Variants in SERPINB9 observed in about 807,000 individuals in gnomAD.
The protein encoded by SERPINB9 is serpin B9.
SERPINB9 carries 20 observed loss-of-function variants against 27.2 expected under a neutral mutation model. The observed-to-expected ratio is 0.74, with a 90% CI of 0.52 to 1.07. SERPINB9 has a LOEUF of 1.07. SERPINB9 is among the 50% of genes least tolerant of loss of function. The pLI, the probability that SERPINB9 is intolerant of heterozygous loss-of-function variation, is 0.00. For missense variants in SERPINB9, 476 were observed against 460.1 expected (o/e 1.03, Z -0.32); for synonymous variants, 189 against 180.0 (o/e 1.05, Z -0.40).
In SERPINB9 at chr6:2,900,538, G is replaced by A. The variant is rs865827606; in HGVS notation, c.74C>T (p.Ser25Leu). The A allele has an allele frequency of 9.3e-6, 15 of 1,613,990 alleles. No homozygotes were observed. In the African/African-American group the frequency reaches 1.1e-4, roughly 11 times the overall value. Residue 25 changes from serine (S) to leucine (L), a missense_variant, in exon 2 of 7, where the codon TCG becomes TTG. Coordinates refer to ENST00000380698, the MANE Select transcript of SERPINB9 (RefSeq NM_004155.6). ...CACAGGAGAACAGAACACGTTGTGC[G>A]AAGGGTTATCTTGACACAGTATCTT... The part of the protein sequence containing the change: ...LLKILCQDNP[S>L]HNVFCSPVSI...
chr6:2,899,851 T>G, intron 2 of SERPINB9: 1 of 442,310 alleles, frequency 2.3e-6, no homozygotes, highest in Non-Finnish European at 4.5e-6. Flanking sequence ...TCATCTCACG[T>G]GTATGTCTCC....
At position 2,891,896 on chromosome 6, in the gene SERPINB9, G is replaced by GGGCAGCTCC; in HGVS notation, c.651_659dup (p.Glu218_Pro220dup). ...GCAGGCTCAGCTCCTTCCTGGCGTAGGGCAGCTCCAGCAGCTGCGCGCGCA... is the reference window on the plus strand; with the variant it reads ...GCAGGCTCAGCTCCTTCCTGGCGTAGGGCAGCTCCGGCAGCTCCAGCAGCTGCGCGCGCA... On this transcript the variant is annotated inframe_insertion, in exon 6 of 7. Transcript: ENST00000380698. The surrounding 1 kb of genome is among the most constrained non-coding windows in gnomAD (Gnocchi z 4.0). 2 of 1,612,510 alleles carry GGGCAGCTCC rather than the reference G, an allele frequency of 1.2e-6. No individual in the cohort carries two copies. Among genetic ancestry groups the GGGCAGCTCC allele is most frequent in the Middle Eastern group, 3.3e-4 (2 of 6,056 alleles).
At chr6:2,897,285 G>C (rs1242360157) in intron 2 of SERPINB9, among the ~76,000 whole-genome samples, 1 of 152,114 alleles carries the variant, frequency 6.6e-6, no homozygotes, top group Non-Finnish European at 1.5e-5. Context: ...GGCCAAGATG[G>C]CGAAATCCTG....
chr6:2,890,656 T>C lies in SERPINB9; in HGVS notation c.724-86A>G, dbSNP rs944799337. ...GCACTCACAGTTCCCTTCCTCCCCT[T>C]GCACGTAGGTGTTGTTTGTTCACAT... On this transcript the variant is annotated intron_variant, in intron 6 of 6. Transcript: ENST00000380698. This position sits in a 1 kb window ranked among gnomAD's most constrained non-coding sequence, Gnocchi z 6.2. The C allele has an allele frequency of 2.3e-6, 3 of 1,286,626 alleles. No individual in the cohort carries two copies. Among genetic ancestry groups the C allele is most frequent in the Non-Finnish European group, 3.3e-6 (3 of 921,468 alleles). The allele number at this position is 1,286,626 out of a possible 1,614,324, so 79.7% of individuals were successfully genotyped here.
At position 2,901,778 on chromosome 6, in the gene SERPINB9, T is replaced by C. The variant is rs1276162643; in HGVS notation, c.-10-1157A>G. On this transcript the variant is annotated intron_variant, in intron 1 of 6. Coordinates refer to ENST00000380698, the MANE Select transcript of SERPINB9 (RefSeq NM_004155.6). ...CTCTACGCCCACATTTCTTCCCACTTCGGATTCTGTGCCTGGTCTAATGCC... is the reference window on the plus strand; with the variant it reads ...CTCTACGCCCACATTTCTTCCCACTCCGGATTCTGTGCCTGGTCTAATGCC... Among the ~76,000 whole-genome samples the C allele has an allele frequency of 2.0e-5, 3 of 151,966 alleles. No individual in the cohort carries two copies. The East Asian group carries it at 5.8e-4, about 29-fold the overall frequency.
At chr6:2,895,609 T>C in intron 3 of SERPINB9, 101 bp from the exon 4 acceptor site, 1 of 741,018 alleles carries the variant, frequency 1.3e-6, no homozygotes, top group Non-Finnish European at 2.3e-6. Context: ...ATAAAAAGAA[T>C]ATACATAACT....
chr6:2,898,573 T>C (rs914541212), intron 2 of SERPINB9, among the ~76,000 whole-genome samples: 1 of 152,214 alleles, frequency 6.6e-6, no homozygotes, highest in African/African-American at 2.4e-5. Context: ...ATCCCAGCAC[T>C]TTGGGAGGCC....
chr6:2,900,675 G>A (rs1349225749), intron 1 of SERPINB9, 54 bp from the exon 2 acceptor site: 7 of 1,503,460 alleles, frequency 4.7e-6, no homozygotes, highest in Non-Finnish European at 6.4e-6. Context: ...GAATGTTACT[G>A]ACCTACTTAC....
Position 2,894,759 on chromosome 6 carries a change from T to G in SERPINB9, c.424+632A>C, listed in dbSNP as rs1280293958. Among the ~76,000 whole-genome samples the G allele has an allele frequency of 6.6e-6, 1 of 152,152 alleles. No homozygotes were observed. ...TGGCCTGAGATTCTTTTGACATTTG[T>G]TTTTTTGTTTGTTTTTTGTTTTTGA... is the stretch of plus-strand genomic sequence containing the variant. On this transcript the variant is annotated intron_variant, in intron 4 of 6. Transcript: ENST00000380698. This position sits in a 1 kb window ranked among gnomAD's most constrained non-coding sequence, Gnocchi z 4.7.
At position 2,896,089 on chromosome 6, in the gene SERPINB9, G is replaced by C. The variant is rs1351739815; in HGVS notation, c.270C>G (p.Asn90Lys). ...GACAAGTTTTCTCTCCAAAGAGCCT[G>C]TTGGCCGTTCTCAGCAGGTACTGTG... ...AGTQYLLRTA[N>K]RLFGEKTCQF... The change falls in exon 3 of 7, where the codon AAC becomes AAG. Residue 90 changes from asparagine (N) to lysine (K), a missense_variant. Physicochemically the swap from Asn to Lys is moderately conservative, Grantham distance 94. Transcript: ENST00000380698. The C allele has an allele frequency of 6.2e-7, 1 of 1,613,970 alleles. No homozygotes were observed. Among genetic ancestry groups the C allele is most frequent in the Admixed American group, 1.7e-5 (1 of 59,930 alleles).
Position 2,900,444 on chromosome 6 carries a change from C to T in SERPINB9, c.168G>A (p.Gln56=). The T allele has an allele frequency of 6.2e-7, 1 of 1,613,890 alleles. No homozygotes were observed. The highest frequency in any genetic ancestry group is 2.2e-5 in the East Asian group (1 of 44,876). Reference sequence around the variant, plus strand: ...GCTCCTGGCGGACGGGCAAGCTTACCTGGGCCATCTGGGTTGCGGTGTTTC... The same window carrying T: ...GCTCCTGGCGGACGGGCAAGCTTACTTGGGCCATCTGGGTTGCGGTGTTTC... ...AKGNTATQMA[Q]ALSLNTEEDI... The change falls in exon 2 of 7, where the codon CAG becomes CAA. Residue 56 remains glutamine, a splice_region_variant and synonymous_variant. Coordinates refer to ENST00000380698, the MANE Select transcript of SERPINB9 (RefSeq NM_004155.6).
chr6:2,893,318 G>A (rs1767888652), intron 5 of SERPINB9, 93 bp downstream of exon 5: 1 of 1,261,856 alleles, frequency 7.9e-7, no homozygotes, highest in African/African-American at 1.6e-5. Flanking sequence ...ATTCCTTTTG[G>A]CTTACGCTTA....
intron 1 of SERPINB9, among the ~76,000 whole-genome samples, chr6:2,901,931 C>G (rs73718375): frequency 0.022 from 3,378 of 152,124 alleles, 120 homozygotes; most frequent in African/African-American, 0.078. Context: ...CCCACTCCCC[C>G]AGCCACCCCC....
intron 3 of SERPINB9, 73 bp downstream of exon 3, chr6:2,895,980 G>A (rs1767983490): frequency 6.9e-7 from 1 of 1,448,492 alleles, no homozygotes; most frequent in South Asian, 1.4e-5. Context: ...AATTTCTCTA[G>A]GGTCTTTCTC....
At position 2,898,758 on chromosome 6, in the gene SERPINB9, A is replaced by G. The variant is rs369517276; in HGVS notation, c.168+1686T>C. Among the ~76,000 whole-genome samples, 63 of 151,838 alleles carry G rather than the reference A, an allele frequency of 4.1e-4. No individual in the cohort carries two copies. In the East Asian group the frequency reaches 6.2e-3, roughly 15 times the overall value. On this transcript the variant is annotated intron_variant, in intron 2 of 6. Coordinates refer to ENST00000380698, the MANE Select transcript of SERPINB9 (RefSeq NM_004155.6). ...GAACTCGGGGGGTGGAGCTTGCAGTAAGCTGAGATCGCACCACTGCACTCC... is the reference window on the plus strand; with the variant it reads ...GAACTCGGGGGGTGGAGCTTGCAGTGAGCTGAGATCGCACCACTGCACTCC...
At chr6:2,901,192 G>T (rs1299769017) in intron 1 of SERPINB9, among the ~76,000 whole-genome samples, 5 of 152,146 alleles carry the variant, frequency 3.3e-5, no homozygotes, top group Admixed American at 3.3e-4. Context: ...CTGGACAGCC[G>T]GGGTGGAGCC....
At position 2,895,476 on chromosome 6, in the gene SERPINB9, A is replaced by C. The variant is rs771021853; in HGVS notation, c.339T>G (p.His113Gln). 6.2e-7 allele frequency: 1 copy of C among 1,613,854 alleles called. No individual in the cohort carries two copies. Among genetic ancestry groups the C allele is most frequent in the East Asian group, 2.2e-5 (1 of 44,880 alleles). Reference protein sequence around the residue: ...TFKESCLQFYHAELKELSFIR... With the variant: ...TFKESCLQFYQAELKELSFIR... ...TAAAGGAAAGCTCCTTCAGCTCAGCATGGTAGAATTGAAGACAGGATTCCT... is the reference window on the plus strand; with the variant it reads ...TAAAGGAAAGCTCCTTCAGCTCAGCCTGGTAGAATTGAAGACAGGATTCCT... Residue 113 changes from histidine (H) to glutamine (Q), a missense_variant, in exon 4 of 7, where the codon CAT (histidine) becomes CAG (glutamine). Transcript: ENST00000380698.
intron 1 of SERPINB9, among the ~76,000 whole-genome samples, chr6:2,902,499 T>G (rs80315916): frequency 0.021 from 3,178 of 152,094 alleles, 29 homozygotes; most frequent in African/African-American, 0.027. Context: ...TTTGTTGTTG[T>G]TGGTGGTGGT....
rs145879309 is a variant in SERPINB9, at chr6:2,891,918, C to G, written c.638G>C (p.Arg213Pro). The change falls in exon 6 of 7, where the codon CGC (arginine) becomes CCC (proline). Residue 213 changes from arginine to proline, a missense_variant. By Grantham distance (103) the Arg-to-Pro change is moderately radical. Transcript: ENST00000380698. This position sits in a 1 kb window ranked among gnomAD's most constrained non-coding sequence, Gnocchi z 4.0. Reference protein sequence around the residue: ...TFKLAHVGEVRAQLLELPYAR... With the variant: ...TFKLAHVGEVPAQLLELPYAR... ...GTAGGGCAGCTCCAGCAGCTGCGCGCGCACCTCGCCCACGTGGGCGAGCTT... is the reference window on the plus strand; with the variant it reads ...GTAGGGCAGCTCCAGCAGCTGCGCGGGCACCTCGCCCACGTGGGCGAGCTT... 66 of 1,613,180 alleles carry G rather than the reference C, an allele frequency of 4.1e-5. No individual in the cohort carries two copies. The highest frequency in any genetic ancestry group is 5.3e-5 in the Non-Finnish European group (62 of 1,179,910).
Sources: gnomAD v4.1 joint callset for allele counts (sites outside exome capture counted in the v4.1 genomes callset) on GRCh38, gnomAD v4.1.1 for gene constraint, Gnocchi (gnomAD v3.1) non-coding constraint, MANE v1.5 for transcripts, NCBI Gene and HGNC (gene_info 2026-07-23, HGNC 2026-07-21) for gene names.